TPD52: variants seen among roughly 807,000 people sequenced by gnomAD.
TPD52 encodes prostate and colon associated protein.
Under a neutral mutation model 31.3 loss-of-function variants are expected in TPD52, and 17 were observed. That is an observed-to-expected ratio of 0.54 (90% CI 0.37 to 0.82). The LOEUF (loss-of-function observed/expected upper bound fraction) is 0.82, where lower values mean the gene tolerates loss of function less well. TPD52 is among the 40% of genes least tolerant of loss of function. TPD52 has a pLI of 0.00. For missense variants in TPD52, 212 were observed against 240.1 expected, an observed-to-expected ratio of 0.88 and a Z score of 0.77; for synonymous variants, 83 against 89.6, an observed-to-expected ratio of 0.93 and a Z score of 0.42.
At chr8:80,144,773 T>C (rs556814438) in intron 1 of TPD52, among the ~76,000 whole-genome samples, 8 of 152,264 alleles carry the variant, frequency 5.3e-5, no homozygotes, top group Middle Eastern at 3.4e-3. Context: ...CATGGCTTTT[T>C]GTGTGCATTT....
chr8:80,165,931 T>C (rs1467197343), intron 1 of TPD52, among the ~76,000 whole-genome samples: 3 of 152,178 alleles, frequency 2.0e-5, no homozygotes, highest in Non-Finnish European at 2.9e-5. Context: ...AAAATGTAAA[T>C]GTTCATCAAC....
chr8:80,051,399 A>C lies in TPD52; in HGVS notation c.386+128T>G, dbSNP rs1811373989. The C allele has an allele frequency of 3.8e-6, 3 of 790,942 alleles. No homozygotes were observed. The Admixed American group carries it at 6.5e-5, about 17-fold the overall frequency. The allele number at this position is 790,942 out of a possible 1,614,324, so 49.0% of individuals were successfully genotyped here. On this transcript the variant is annotated intron_variant, in intron 4 of 7. Coordinates refer to ENST00000518937, the MANE Select transcript of TPD52 (RefSeq NM_001025253.3). Reference sequence around the variant, plus strand: ...AGCCTTCCAGGTACTGGTTTGAAGGAGTGCCCTCCCTCACTCTAACAGGAG... The same window carrying C: ...AGCCTTCCAGGTACTGGTTTGAAGGCGTGCCCTCCCTCACTCTAACAGGAG...
At chr8:80,102,287 C>G (rs145921821) in intron 1 of TPD52, among the ~76,000 whole-genome samples, 2 of 152,172 alleles carry the variant, frequency 1.3e-5, no homozygotes, top group Non-Finnish European at 2.9e-5. Flanking sequence ...AGCTCATTCA[C>G]GTAGCTACTG....
At chr8:80,164,455 C>CACATCTCATTATCAAA (rs1436858826) in intron 1 of TPD52, among the ~76,000 whole-genome samples, 2 of 152,142 alleles carry the variant, frequency 1.3e-5, no homozygotes, top group African/African-American at 2.4e-5. Context: ...ATTTATACCT[C>CACATCTCATTATCAAA]ACATCTCATT....
chr8:80,096,574 G>A (rs1816762493), intron 1 of TPD52, among the ~76,000 whole-genome samples: 1 of 152,082 alleles, frequency 6.6e-6, no homozygotes, highest in Non-Finnish European at 1.5e-5. Flanking sequence ...TGCTCACTTT[G>A]TGTCTCTGCA....
intron 1 of TPD52, among the ~76,000 whole-genome samples, chr8:80,075,387 G>A (rs1380028292): frequency 6.6e-6 from 1 of 152,180 alleles, no homozygotes; most frequent in African/African-American, 2.4e-5. Flanking sequence ...AAGTGCTCCT[G>A]GGACTCAGCT....
intron 1 of TPD52, among the ~76,000 whole-genome samples, chr8:80,117,031 A>T (rs1162595282): frequency 3.3e-5 from 5 of 152,218 alleles, no homozygotes; most frequent in Non-Finnish European, 5.9e-5. Flanking sequence ...GTCTATGGAA[A>T]ACCGCAGCTA....
chr8:80,084,536 A>C (rs1815583045), intron 1 of TPD52, among the ~76,000 whole-genome samples: 1 of 152,194 alleles, frequency 6.6e-6, no homozygotes, highest in African/African-American at 2.4e-5. Flanking sequence ...GAGAAACAGA[A>C]ACAGACAGGT....
At chr8:80,119,071 A>T (rs886555304) in intron 1 of TPD52, among the ~76,000 whole-genome samples, 1 of 152,236 alleles carries the variant, frequency 6.6e-6, no homozygotes, top group Non-Finnish European at 1.5e-5. Flanking sequence ...ATACAAGGGA[A>T]TATTATTCAG....
intron 2 of TPD52, among the ~76,000 whole-genome samples, chr8:80,061,003 T>C (rs538211921): frequency 2.0e-5 from 3 of 152,220 alleles, no homozygotes; most frequent in East Asian, 1.9e-4. Context: ...GGCATTCAAA[T>C]TGGAAAGGAA....
chr8:80,033,945 G>A (rs902265163), downstream of TPD52, among the ~76,000 whole-genome samples: 4 of 152,192 alleles, frequency 2.6e-5, no homozygotes, highest in African/African-American at 9.6e-5. Flanking sequence ...CAGGCTTCAG[G>A]CTGTCCCTGG....
chr8:80,123,392 G>A (rs535513582), intron 1 of TPD52, among the ~76,000 whole-genome samples: 17 of 152,308 alleles, frequency 1.1e-4, no homozygotes, highest in African/African-American at 3.4e-4. Context: ...CAAGGTGGGC[G>A]ATGGTACCTC....
At chr8:80,115,245 T>C (rs994223415) in intron 1 of TPD52, among the ~76,000 whole-genome samples, 1 of 152,130 alleles carries the variant, frequency 6.6e-6, no homozygotes, top group African/African-American at 2.4e-5. Flanking sequence ...AAGACAGGCT[T>C]GGCAGAAAGT....
At chr8:80,069,371 C>A (rs1425269547) in intron 1 of TPD52, among the ~76,000 whole-genome samples, 1 of 152,080 alleles carries the variant, frequency 6.6e-6, no homozygotes, top group Non-Finnish European at 1.5e-5. Flanking sequence ...GAGGCTGTGG[C>A]GGGAGGATCG....
rs768907862 is a variant in TPD52 at position 80,038,112 on chromosome 8, A to C, written c.*4T>G. ...CAGTGGGTAGCAGAACAAAGGTAGG[A>C]ATCTCACAGGCTCTCCTGTGTCTTT... On this transcript the variant is annotated 3_prime_UTR_variant, in exon 8 of 8. Transcript: ENST00000518937. The C allele has an allele frequency of 3.1e-6, 5 of 1,613,872 alleles. No individual in the cohort carries two copies. The South Asian group carries it at 3.3e-5, about 11-fold the overall frequency.
intron 1 of TPD52, among the ~76,000 whole-genome samples, chr8:80,160,184 C>A (rs868609231): frequency 3.0e-5 from 3 of 100,990 alleles, no homozygotes; most frequent in African/African-American, 1.7e-4. Context: ...GAGCAAGACC[C>A]CATCTCAAAA....
At chr8:80,093,264 A>G (rs1816429238) in intron 1 of TPD52, among the ~76,000 whole-genome samples, 1 of 152,186 alleles carries the variant, frequency 6.6e-6, no homozygotes, top group Non-Finnish European at 1.5e-5. Context: ...AGTATTAACA[A>G]TGTATTTGAG....
chr8:80,041,765 C>T (rs893968212), intron 7 of TPD52, among the ~76,000 whole-genome samples: 1 of 152,044 alleles, frequency 6.6e-6, no homozygotes, highest in Non-Finnish European at 1.5e-5. Context: ...AAATGTCCAA[C>T]AATTGAGGAC....
intron 1 of TPD52, among the ~76,000 whole-genome samples, chr8:80,077,290 A>G (rs1814688454): frequency 1.3e-5 from 2 of 151,970 alleles, no homozygotes; most frequent in Admixed American, 1.3e-4. Flanking sequence ...AAAAAAAAAA[A>G]AATTCTTAAG....
Sources: allele counts gnomAD v4.1 joint callset (sites outside exome capture counted in the v4.1 genomes callset), GRCh38; gene constraint gnomAD v4.1.1; transcripts MANE v1.5; gene names NCBI Gene and HGNC (gene_info 2026-07-23, HGNC 2026-07-21).